MAGI2: variants seen among roughly 807,000 people sequenced by gnomAD.
MAGI2 encodes membrane-associated guanylate kinase, WW and PDZ domain-containing protein 2.
MAGI2 carries 35 observed loss-of-function variants against 133.3 expected under a neutral mutation model. The ratio of observed to expected loss-of-function variants is 0.26; its 90% CI spans 0.20 to 0.35. The LOEUF (loss-of-function observed/expected upper bound fraction) is 0.35, where lower values mean the gene tolerates loss of function less well. Ranked by LOEUF, MAGI2 falls within the 10% of genes least tolerant of loss-of-function variation. The pLI is 1.00. For missense variants in MAGI2, 1,636 were observed against 1,863.4 expected, an observed-to-expected ratio of 0.88 and a Z score of 2.25; for synonymous variants, 729 against 710.6, an observed-to-expected ratio of 1.03 and a Z score of -0.41.
intron 6 of MAGI2, among the ~76,000 whole-genome samples, chr7:78,414,359 T>C (rs538160736): frequency 1.1e-4 from 17 of 151,948 alleles, no homozygotes; most frequent in Non-Finnish European, 2.1e-4. Flanking sequence ...ACTAATTTTG[T>C]TTAACAAAAA....
intron 10 of MAGI2, among the ~76,000 whole-genome samples, chr7:78,234,247 T>C (rs55991342): frequency 0.17 from 26,113 of 152,176 alleles, 2,693 homozygotes; most frequent in East Asian, 0.34. Context: ...AGTATCACTT[T>C]GGTGCAACAT....
intron 6 of MAGI2, among the ~76,000 whole-genome samples, chr7:78,447,506 A>G (rs1788273255): frequency 6.6e-6 from 1 of 152,116 alleles, no homozygotes; most frequent in Non-Finnish European, 1.5e-5. Flanking sequence ...CTGACACATG[A>G]TAACTGTTCA....
chr7:79,162,890 T>C (rs529834419), intron 1 of MAGI2, among the ~76,000 whole-genome samples: 7 of 152,220 alleles, frequency 4.6e-5, no homozygotes, highest in Non-Finnish European at 8.8e-5. Context: ...GTTTTGTTCA[T>C]TGGCTTTTTA....
At chr7:78,472,637 T>A (rs975720166) in intron 6 of MAGI2, among the ~76,000 whole-genome samples, 10 of 152,178 alleles carry the variant, frequency 6.6e-5, no homozygotes, top group Admixed American at 2.0e-4. Flanking sequence ...TACTAGCAAA[T>A]GGTAACTGCA....
chr7:78,165,563 AT>A (rs1825541111), intron 15 of MAGI2, among the ~76,000 whole-genome samples: 1 of 152,070 alleles, frequency 6.6e-6, no homozygotes, highest in African/African-American at 2.4e-5. Flanking sequence ...TGTCATCCCT[AT>A]GACCTTGCTT....
chr7:78,816,549 G>A (rs1584007216), intron 2 of MAGI2, among the ~76,000 whole-genome samples: 3 of 152,244 alleles, frequency 2.0e-5, no homozygotes, highest in African/African-American at 7.2e-5. Flanking sequence ...TAATCCAGCT[G>A]GTGACTTTAA....
intron 2 of MAGI2, among the ~76,000 whole-genome samples, chr7:78,809,221 A>G (rs1788841511): frequency 6.6e-6 from 1 of 152,202 alleles, no homozygotes; most frequent in Non-Finnish European, 1.5e-5. Context: ...CATACAAACT[A>G]TACACTCCAC....
intron 2 of MAGI2, among the ~76,000 whole-genome samples, chr7:78,988,798 T>C (rs954305049): frequency 1.3e-5 from 2 of 152,064 alleles, no homozygotes; most frequent in Non-Finnish European, 2.9e-5. Flanking sequence ...GGAGGATGAC[T>C]ATTTTTGAGT....
At chr7:78,534,485 G>T (rs765634545) in intron 3 of MAGI2, among the ~76,000 whole-genome samples, 2 of 152,170 alleles carry the variant, frequency 1.3e-5, no homozygotes, top group East Asian at 1.9e-4. Context: ...GTGTGTGTGC[G>T]TGTGCTCCCA....
At chr7:79,137,597 T>C (rs1821707151) in intron 1 of MAGI2, among the ~76,000 whole-genome samples, 1 of 151,676 alleles carries the variant, frequency 6.6e-6, no homozygotes, top group Admixed American at 6.6e-5. Context: ...GGATTACAGG[T>C]AGGTGCCACC....
chr7:78,589,144 T>A (rs1803723860), intron 3 of MAGI2, among the ~76,000 whole-genome samples: 1 of 152,206 alleles, frequency 6.6e-6, no homozygotes, highest in South Asian at 2.1e-4. Flanking sequence ...TGGCCATAAA[T>A]GTTTTGAAGT....
At chr7:79,397,963 G>A (rs1020877035) in intron 1 of MAGI2, among the ~76,000 whole-genome samples, 1 of 151,934 alleles carries the variant, frequency 6.6e-6, no homozygotes, top group Non-Finnish European at 1.5e-5. Context: ...ATATTTCCTT[G>A]TTTTTATGTT....
chr7:78,295,556 T>C (rs1409256563), intron 9 of MAGI2, among the ~76,000 whole-genome samples: 1 of 152,172 alleles, frequency 6.6e-6, no homozygotes, highest in African/African-American at 2.4e-5. Context: ...ATTTCTTCAC[T>C]TGGCTTCCAG....
At chr7:78,573,251 TATATAAATATAAATATATATAA>T (rs1801799083) in intron 3 of MAGI2, among the ~76,000 whole-genome samples, 3 of 48,988 alleles carry the variant, frequency 6.1e-5, no homozygotes, top group African/African-American at 2.4e-4. Context: ...TATATAAATA[TATATAAATATAAATATATATAA>T]ATATATATAT....
intron 21 of MAGI2, among the ~76,000 whole-genome samples, chr7:78,048,193 C>A (rs1811628025): frequency 6.6e-6 from 1 of 152,156 alleles, no homozygotes; most frequent in Admixed American, 6.5e-5. Context: ...AAATGGCAAC[C>A]AAATGGACAT....
At position 78,790,175 on chromosome 7, in the gene MAGI2, G is replaced by T. The variant is rs186481266; in HGVS notation, c.419-162936C>A. On this transcript the variant is annotated intron_variant, in intron 2 of 21. Coordinates refer to ENST00000354212, the MANE Select transcript of MAGI2 (RefSeq NM_012301.4). The stretch of plus-strand genomic sequence containing the variant: ...TAGGAAATTAGAAACTCTTTGCTAG[G>T]TGGTATAATATAAAATATTATAGTT... Among the ~76,000 whole-genome samples the T allele has an allele frequency of 1.6e-4, 24 of 152,030 alleles. No individual in the cohort carries two copies. The East Asian group carries it at 4.4e-3, about 28-fold the overall frequency.
At chr7:78,136,286 A>T (rs1259889515) in intron 16 of MAGI2, among the ~76,000 whole-genome samples, 5 of 151,810 alleles carry the variant, frequency 3.3e-5, no homozygotes, top group African/African-American at 1.2e-4. Context: ...CGCCTGGCTA[A>T]TTTTTTTGTA....
At chr7:79,383,902 C>G (rs1201315009) in intron 1 of MAGI2, among the ~76,000 whole-genome samples, 1 of 150,568 alleles carries the variant, frequency 6.6e-6, no homozygotes, top group African/African-American at 2.4e-5. Flanking sequence ...AAGAATAAGG[C>G]AAGAGTAATA....
intron 2 of MAGI2, among the ~76,000 whole-genome samples, chr7:78,765,199 A>G (rs1824888844): frequency 6.6e-6 from 1 of 152,156 alleles, no homozygotes; most frequent in Non-Finnish European, 1.5e-5. Context: ...GTATCCACCT[A>G]TTAGGTTTCC....
Sources: allele counts gnomAD v4.1 joint callset (sites outside exome capture counted in the v4.1 genomes callset), GRCh38; gene constraint gnomAD v4.1.1; transcripts MANE v1.5; gene names NCBI Gene and HGNC (gene_info 2026-07-23, HGNC 2026-07-21).